The following CPAMD8 variants were observed in gnomAD, a reference collection of about 807,000 sequenced individuals.
CPAMD8 encodes C3 and PZP-like alpha-2-macroglobulin domain-containing protein 8.
Under a neutral mutation model 224.7 loss-of-function variants are expected in CPAMD8, and 146 were observed. The observed-to-expected ratio is 0.65, with a 90% CI of 0.57 to 0.75. The LOEUF is 0.75. Ranked by LOEUF, CPAMD8 falls within the 30% of genes least tolerant of loss-of-function variation. The probability of loss-of-function intolerance (pLI) is 0.00; values close to 1 mark genes in which losing one functional copy is unlikely to be tolerated. For missense variants in CPAMD8, 2,301 were observed against 2,537.5 expected (o/e 0.91, Z 2.00); for synonymous variants, 966 against 1,044.6 (o/e 0.92, Z 1.45).
chr19:16,994,515 C>CTTTTTTT (rs71180347), intron 11 of CPAMD8, among the ~76,000 whole-genome samples: 23 of 105,294 alleles, frequency 2.2e-4, no homozygotes, highest in South Asian at 3.2e-4. Flanking sequence ...TAACCACTCC[C>CTTTTTTT]TTTTTTTTTT....
intron 17 of CPAMD8, among the ~76,000 whole-genome samples, chr19:16,971,889 A>C (rs947343051): frequency 6.6e-6 from 1 of 152,066 alleles, no homozygotes; most frequent in African/African-American, 2.4e-5. Flanking sequence ...TCTACTAAAA[A>C]TACAAGAATT....
chr19:16,974,543 A>C (rs186673281), intron 17 of CPAMD8, among the ~76,000 whole-genome samples: 1 of 152,108 alleles, frequency 6.6e-6, no homozygotes, highest in Admixed American at 6.6e-5. Flanking sequence ...TCAATGTCAT[A>C]ACACGTCCCA....
intron 12 of CPAMD8, among the ~76,000 whole-genome samples, chr19:16,990,649 G>A (rs907500734): frequency 1.3e-5 from 2 of 151,910 alleles, no homozygotes; most frequent in African/African-American, 4.8e-5. Context: ...CAGATCACGA[G>A]GTCAGGAGAT....
chr19:16,911,221 C>T (rs2052714610), intron 29 of CPAMD8, among the ~76,000 whole-genome samples: 1 of 152,168 alleles, frequency 6.6e-6, no homozygotes, highest in Non-Finnish European at 1.5e-5. Context: ...TCTGTATTTA[C>T]AGCCACTCCC....
intron 19 of CPAMD8, among the ~76,000 whole-genome samples, chr19:16,952,707 TAAAAAAGACA>T (rs1032614497): frequency 6.6e-6 from 1 of 151,736 alleles, no homozygotes; most frequent in Non-Finnish European, 1.5e-5. Context: ...TGAAAGAAAC[TAAAAAAGACA>T]AAAAAAGACA....
intron 29 of CPAMD8, 145 bp downstream of exon 29, chr19:16,914,279 T>C (rs2052845723): frequency 1.5e-6 from 1 of 651,130 alleles, no homozygotes; most frequent in East Asian, 2.7e-5. Context: ...ATGTGACCAT[T>C]GTTGATGAAA....
intron 21 of CPAMD8, among the ~76,000 whole-genome samples, chr19:16,946,397 G>A (rs2054088722): frequency 6.8e-6 from 1 of 147,880 alleles, no homozygotes; most frequent in South Asian, 2.2e-4. Flanking sequence ...GTATATGCAT[G>A]TCTACACATG....
In CPAMD8 at chr19:16,907,020, A is replaced by C. The variant is rs1168862781; in HGVS notation, c.3959T>G (p.Leu1320Arg). The C allele has an allele frequency of 6.2e-7, 1 of 1,608,392 alleles. No individual in the cohort carries two copies. The highest frequency in any genetic ancestry group is 1.1e-5 in the South Asian group (1 of 89,140). The stretch of plus-strand genomic sequence containing the variant: ...GGCTGCCGGGCTGCGGAGCAGGGTC[A>C]GCGCGTAGGTAGTCAGGGCACAGCT... ...PYSCALTTYA[L>R]TLLRSPAAPE... The change falls in exon 30 of 42, where the codon CTG becomes CGG. Residue 1320 changes from leucine (L) to arginine (R), a missense_variant. Transcript: ENST00000443236.
chr19:16,896,788 G>A (rs1049013508), intron 39 of CPAMD8, 123 bp from the exon 40 acceptor site: 1 of 600,756 alleles, frequency 1.7e-6, no homozygotes, highest in African/African-American at 2.0e-5. Flanking sequence ...TGGGTCTTGG[G>A]GCGCGACAGT....
At chr19:16,954,883 C>T (rs2054415791) in intron 19 of CPAMD8, among the ~76,000 whole-genome samples, 1 of 152,144 alleles carries the variant, frequency 6.6e-6, no homozygotes. Flanking sequence ...AATCCCAGCA[C>T]TTTGGGAGGC....
intron 14 of CPAMD8, among the ~76,000 whole-genome samples, chr19:16,978,999 T>C (rs2055386905): frequency 6.7e-6 from 1 of 148,650 alleles, no homozygotes; most frequent in South Asian, 2.1e-4. Context: ...TATCCATCTG[T>C]TCATCCATCC....
At chr19:16,900,415 T>C (rs777201173) in intron 36 of CPAMD8, among the ~76,000 whole-genome samples, 1 of 152,028 alleles carries the variant, frequency 6.6e-6, no homozygotes, top group African/African-American at 2.4e-5. Flanking sequence ...CTGACCAACA[T>C]GGAGAAACTC....
chr19:17,020,506 G>A (rs1006258013), intron 2 of CPAMD8, among the ~76,000 whole-genome samples, 153 bp from the exon 3 acceptor site: 1 of 152,152 alleles, frequency 6.6e-6, no homozygotes, highest in Non-Finnish European at 1.5e-5. Context: ...GACTGGGCCA[G>A]GCTAGGACTG....
intron 21 of CPAMD8, among the ~76,000 whole-genome samples, chr19:16,946,020 CGT>C (rs565245081): frequency 2.2e-4 from 33 of 151,406 alleles, no homozygotes; most frequent in East Asian, 9.8e-4. Context: ...TGTATCTGTA[CGT>C]GTGTTTGTGT....
At chr19:17,001,138 A>G (rs1321692756) in intron 9 of CPAMD8, among the ~76,000 whole-genome samples, 1 of 151,978 alleles carries the variant, frequency 6.6e-6, no homozygotes, top group African/African-American at 2.4e-5. Context: ...CCTGGCCAAC[A>G]TGGTGAAACT....
rs2052115205 is a variant in CPAMD8, at chr19:16,898,309, T to TA, written c.4849-316dup. 6.6e-6 allele frequency among the ~76,000 whole-genome samples: 1 copy of TA among 151,804 alleles called. No individual in the cohort carries two copies. ...ACAGGCGCCCACCACCGCACCCTGCTAATTTTTTGTATTTTTGATCAAGAC... is the reference window on the plus strand; with the variant it reads ...ACAGGCGCCCACCACCGCACCCTGCTAAATTTTTTGTATTTTTGATCAAGAC... On this transcript the variant is annotated intron_variant, in intron 37 of 41. Coordinates refer to ENST00000443236, the MANE Select transcript of CPAMD8 (RefSeq NM_015692.5). This position sits in a 1 kb window ranked among gnomAD's most constrained non-coding sequence, Gnocchi z 4.2.
chr19:16,964,237 C>A (rs1568535683), intron 18 of CPAMD8, among the ~76,000 whole-genome samples: 1 of 152,044 alleles, frequency 6.6e-6, no homozygotes, highest in African/African-American at 2.4e-5. Flanking sequence ...TCAAAAAAAT[C>A]AATGAATCCA....
At chr19:17,001,036 T>C (rs2056296993) in intron 9 of CPAMD8, among the ~76,000 whole-genome samples, 1 of 151,414 alleles carries the variant, frequency 6.6e-6, no homozygotes, top group Non-Finnish European at 1.5e-5. Context: ...AATGAGAGAG[T>C]GCAGGCTGGG....
At chr19:16,960,402 G>A (rs762228925) in intron 18 of CPAMD8, among the ~76,000 whole-genome samples, 16 of 151,670 alleles carry the variant, frequency 1.1e-4, no homozygotes, top group Non-Finnish European at 2.2e-4. Flanking sequence ...TCATTAGGAG[G>A]ACTGGAAAAT....
Sources: allele counts gnomAD v4.1 joint callset (sites outside exome capture counted in the v4.1 genomes callset), GRCh38; gene constraint gnomAD v4.1.1; non-coding constraint Gnocchi (gnomAD v3.1); transcripts MANE v1.5; gene names NCBI Gene and HGNC (gene_info 2026-07-23, HGNC 2026-07-21).